Variants in ZNF736 observed in about 807,000 individuals in gnomAD.
The protein encoded by ZNF736 is zinc finger protein 736, also known as KRAB-containing zinc-finger repressor protein.
A neutral mutation model predicts 11.7 loss-of-function variants in ZNF736; 6 were observed. The observed-to-expected ratio is 0.51, with a 90% CI of 0.28 to 1.01. The LOEUF (loss-of-function observed/expected upper bound fraction) is 1.01. Ranked by LOEUF, ZNF736 falls within the 50% of genes least tolerant of loss-of-function variation. The probability of loss-of-function intolerance (pLI) is 0.09; values close to 1 mark genes in which losing one functional copy is unlikely to be tolerated. For missense variants in ZNF736, 444 were observed against 496.0 expected, an observed-to-expected ratio of 0.90 and a Z score of 1.00; for synonymous variants, 139 against 164.7, an observed-to-expected ratio of 0.84 and a Z score of 1.19.
rs1164202134 is a variant in ZNF736, at chr7:64,356,316, C to T, written c.*7169C>T. 7 of 151,948 alleles carry T rather than the reference C, an allele frequency of 4.6e-5. No homozygotes were observed. Among genetic ancestry groups the T allele is most frequent in the African/African-American group, 1.7e-4 (7 of 41,368 alleles). The allele number at this position is 151,948 out of a possible 1,614,324, so 9.4% of individuals were successfully genotyped here. A position where few individuals can be genotyped will look rare whatever the true frequency, so the allele number is the denominator to read the frequency against. On this transcript the variant is annotated 3_prime_UTR_variant, in exon 4 of 4. Coordinates refer to ENST00000423484, the MANE Select transcript of ZNF736 (RefSeq NM_001170905.3). ...TGAAGGCCAGAATAGATTTTTTTCTCTTAAATTTTTGGCAAGTATAAAAGC... is the reference window on the plus strand; with the variant it reads ...TGAAGGCCAGAATAGATTTTTTTCTTTTAAATTTTTGGCAAGTATAAAAGC...
chr7:64,336,919 T>A lies in ZNF736; in HGVS notation c.163T>A (p.Cys55Ser). 6.2e-7 allele frequency: 1 copy of A among 1,603,302 alleles called. No individual in the cohort carries two copies. Among genetic ancestry groups the A allele is most frequent in the Non-Finnish European group, 8.5e-7 (1 of 1,174,626 alleles). The change falls in exon 3 of 4, where the codon TGT becomes AGT. Residue 55 changes from cysteine to serine, a missense_variant. By Grantham distance (112) the Cys-to-Ser change is moderately radical. Coordinates refer to ENST00000423484, the MANE Select transcript of ZNF736 (RefSeq NM_001170905.3). ...LAIFKPDLMTCLEQRKEPWKV... is the reference protein window; with the variant it reads ...LAIFKPDLMTSLEQRKEPWKV... The stretch of plus-strand genomic sequence containing the variant: ...TATCTTTAAGCCAGACTTGATGACC[T>A]GTCTGGAGCAAAGAAAAGAGCCTTG...
At chr7:64,314,886 C>A (rs1454470909) in intron 1 of ZNF736, among the ~76,000 whole-genome samples, 1 of 152,170 alleles carries the variant, frequency 6.6e-6, no homozygotes, top group African/African-American at 2.4e-5. Flanking sequence ...ATTGAGGCAA[C>A]TTTAGGATAT....
chr7:64,347,328 C>T (rs747653524), intron 3 of ZNF736, among the ~76,000 whole-genome samples: 1 of 146,556 alleles, frequency 6.8e-6, no homozygotes, highest in East Asian at 2.0e-4. Flanking sequence ...AAGCGATTCT[C>T]CTTTCTTCTG....
chr7:64,319,895 T>A (rs1788980747), intron 1 of ZNF736, among the ~76,000 whole-genome samples: 1 of 152,170 alleles, frequency 6.6e-6, no homozygotes, highest in Non-Finnish European at 1.5e-5. Flanking sequence ...TTTTGTTTAC[T>A]GGAGGCCTAG....
chr7:64,325,550 A>T (rs1181094477), intron 1 of ZNF736, among the ~76,000 whole-genome samples: 1 of 152,222 alleles, frequency 6.6e-6, no homozygotes, highest in Non-Finnish European at 1.5e-5. Context: ...TGGAAATCAG[A>T]TGTCCATGAG....
rs956888448 is a variant in ZNF736 at position 64,354,261 on chromosome 7, G to C, written c.*5114G>C. 1 of 152,080 alleles carries C rather than the reference G, an allele frequency of 6.6e-6. No homozygotes were observed. Among genetic ancestry groups the C allele is most frequent in the African/African-American group, 2.4e-5 (1 of 41,422 alleles). 9.4% of individuals were successfully genotyped at this position (152,080 alleles called of 1,614,324 possible). A position where few individuals can be genotyped will look rare whatever the true frequency, so the allele number is the denominator to read the frequency against. On this transcript the variant is annotated 3_prime_UTR_variant, in exon 4 of 4. Coordinates refer to ENST00000423484, the MANE Select transcript of ZNF736 (RefSeq NM_001170905.3). ...TTCTCTGGTCTGCTAAACACATACA[G>C]ACCTTTAGTTTTGGTTTACATGGAT...
chr7:64,320,260 G>A (rs1477003201), intron 1 of ZNF736, among the ~76,000 whole-genome samples: 2 of 152,156 alleles, frequency 1.3e-5, no homozygotes, highest in Non-Finnish European at 2.9e-5. Flanking sequence ...ACATTTTTTA[G>A]TATCTCAGCT....
intron 1 of ZNF736, among the ~76,000 whole-genome samples, chr7:64,315,057 T>C (rs1317525964): frequency 6.6e-6 from 1 of 152,120 alleles, no homozygotes. Context: ...TTCCCTGAAG[T>C]TCATCATTTA....
At chr7:64,339,651 T>C (rs1036773868) in intron 3 of ZNF736, among the ~76,000 whole-genome samples, 2 of 136,090 alleles carry the variant, frequency 1.5e-5, no homozygotes, top group African/African-American at 4.9e-5. Context: ...TCGGTGTGCA[T>C]TTTTATGCAC....
At position 64,336,344 on chromosome 7, in the gene ZNF736, G is replaced by A. The variant is rs1341604357; in HGVS notation, c.89G>A (p.Arg30Lys). The A allele has an allele frequency of 3.7e-6, 6 of 1,613,728 alleles. No individual in the cohort carries two copies. The highest frequency in any genetic ancestry group is 3.3e-5 in the Admixed American group (2 of 59,950). ...GACTCTGCTCAGCAGCGTTTGTATA[G>A]GGATGTGATGTTAGAGAACTATGGA... ...CLDSAQQRLY[R>K]DVMLENYGNL... Residue 30 changes from arginine to lysine, a missense_variant, in exon 2 of 4, where the codon AGG becomes AAG. Physicochemically the swap from Arg to Lys is conservative, Grantham distance 26. Transcript: ENST00000423484.
intron 3 of ZNF736, among the ~76,000 whole-genome samples, chr7:64,338,257 A>T (rs1021374404): frequency 6.6e-6 from 1 of 152,178 alleles, no homozygotes; most frequent in African/African-American, 2.4e-5. Flanking sequence ...TATGTATTGT[A>T]TACAGTGTAT....
In ZNF736 at chr7:64,314,089, C is replaced by T; in HGVS notation, c.-62C>T. The T allele has an allele frequency of 2.6e-6, 4 of 1,550,576 alleles. No homozygotes were observed. The South Asian group carries it at 4.8e-5, about 18-fold the overall frequency. ...TGACTCTACTATAGCTTCTGTTATCCTGTGACCTGCAGGTACTGGGAGATC... is the reference window on the plus strand; with the variant it reads ...TGACTCTACTATAGCTTCTGTTATCTTGTGACCTGCAGGTACTGGGAGATC... On this transcript the variant is annotated 5_prime_UTR_variant, in exon 1 of 4. Transcript: ENST00000423484.
In ZNF736 at chr7:64,349,305, G is replaced by A; in HGVS notation, c.*158G>A. 1 of 642,518 alleles carries A rather than the reference G, an allele frequency of 1.6e-6. No homozygotes were observed. Among genetic ancestry groups the A allele is most frequent in the Non-Finnish European group, 2.5e-6 (1 of 393,246 alleles). The allele number at this position is 642,518 out of a possible 1,614,324, so 39.8% of individuals were successfully genotyped here. A position where few individuals can be genotyped will look rare whatever the true frequency, so the allele number is the denominator to read the frequency against. On this transcript the variant is annotated 3_prime_UTR_variant, in exon 4 of 4. Coordinates refer to ENST00000423484, the MANE Select transcript of ZNF736 (RefSeq NM_001170905.3). ...TTATAATCTGGTTGCTTATATGTTG[G>A]GTACATATATAGCCCTTTGCTATTA...
chr7:64,319,728 C>G (rs1027930904), intron 1 of ZNF736, among the ~76,000 whole-genome samples: 2 of 151,832 alleles, frequency 1.3e-5, no homozygotes, highest in Non-Finnish European at 2.9e-5. Context: ...AACTCCTGAC[C>G]TCGTGATCTG....
rs1789544965 is a variant in ZNF736, at chr7:64,355,692, A to T, written c.*6545A>T. The T allele has an allele frequency of 6.6e-6, 1 of 152,654 alleles. No individual in the cohort carries two copies. Among genetic ancestry groups the T allele is most frequent in the African/African-American group, 2.4e-5 (1 of 41,414 alleles). 9.5% of individuals were successfully genotyped at this position (152,654 alleles called of 1,614,324 possible). ...CCACCGCGCCTGTCCTTGATTTTAG[A>T]TCTTGACACAGCACATCCTCAACTT... On this transcript the variant is annotated 3_prime_UTR_variant, in exon 4 of 4. Coordinates refer to ENST00000423484, the MANE Select transcript of ZNF736 (RefSeq NM_001170905.3).
intron 3 of ZNF736, 55 bp downstream of exon 3, chr7:64,337,037 A>T (rs1395392282): frequency 2.8e-6 from 4 of 1,446,060 alleles, no homozygotes; most frequent in African/African-American, 1.4e-5. Flanking sequence ...AATGTCAAGG[A>T]GGAAGCCAAA....
At chr7:64,329,616 T>C (rs1789131515) in intron 1 of ZNF736, among the ~76,000 whole-genome samples, 1 of 151,114 alleles carries the variant, frequency 6.6e-6, no homozygotes, top group Non-Finnish European at 1.5e-5. Flanking sequence ...AAATGGAATC[T>C]CTCTCTCTCT....
chr7:64,342,795 T>G (rs191508966), intron 3 of ZNF736, among the ~76,000 whole-genome samples: 2 of 152,276 alleles, frequency 1.3e-5, no homozygotes, highest in Admixed American at 1.3e-4. Flanking sequence ...TTAAGTTTAC[T>G]GCATACAAAA....
chr7:64,338,572 T>G (rs1229248058), intron 3 of ZNF736, among the ~76,000 whole-genome samples: 1 of 152,164 alleles, frequency 6.6e-6, no homozygotes, highest in Non-Finnish European at 1.5e-5. Flanking sequence ...TATTATATTC[T>G]CCATAGAAGT....
Sources: allele counts gnomAD v4.1 joint callset (sites outside exome capture counted in the v4.1 genomes callset), GRCh38; gene constraint gnomAD v4.1.1; transcripts MANE v1.5; gene names NCBI Gene and HGNC (gene_info 2026-07-23, HGNC 2026-07-21).